The following GRID1 variants were observed in gnomAD, a reference collection of about 807,000 sequenced individuals.
GRID1 encodes the protein glutamate ionotropic receptor delta type subunit 1.
A neutral mutation model predicts 98.0 loss-of-function variants in GRID1; 28 were observed. That is an observed-to-expected ratio of 0.29 (90% CI 0.21 to 0.39). The LOEUF is 0.39. GRID1 is among the 10% of genes least tolerant of loss of function. The pLI is 1.00. For missense variants in GRID1, 1,111 were observed against 1,340.5 expected (o/e 0.83, Z 2.67); for synonymous variants, 553 against 538.5 (o/e 1.03, Z -0.37).
At chr10:85,730,711 T>C (rs1001050129) in intron 8 of GRID1, among the ~76,000 whole-genome samples, 3 of 152,180 alleles carry the variant, frequency 2.0e-5, no homozygotes, top group African/African-American at 7.2e-5. Context: ...GTGATTCTAA[T>C]GCACAGCCAG....
At chr10:86,171,584 T>A (rs1317125049) in intron 3 of GRID1, among the ~76,000 whole-genome samples, 1 of 152,196 alleles carries the variant, frequency 6.6e-6, no homozygotes, top group Non-Finnish European at 1.5e-5. Flanking sequence ...GAGGAGGTTC[T>A]GCAGAGGCAG....
intron 2 of GRID1, among the ~76,000 whole-genome samples, chr10:86,336,001 T>A (rs879696703): frequency 7.4e-4 from 112 of 152,198 alleles, no homozygotes; most frequent in Non-Finnish European, 1.3e-3. Context: ...CCATGGGGCC[T>A]AACCAGCCAG....
rs73338601 is a variant in GRID1 at position 85,857,327 on chromosome 10, G to A, written c.952-1137C>T. Reference sequence around the variant, plus strand: ...GTGTGAAGAACGACACTACAGCATTGGGGCCCAACCCATGTGTGGGGTCCA... The same window carrying A: ...GTGTGAAGAACGACACTACAGCATTAGGGCCCAACCCATGTGTGGGGTCCA... On this transcript the variant is annotated intron_variant, in intron 6 of 15. Coordinates refer to ENST00000327946, the MANE Select transcript of GRID1 (RefSeq NM_017551.3). Among the ~76,000 whole-genome samples the A allele has an allele frequency of 5.4e-3, 827 of 152,280 alleles. 6 individuals are homozygous for A. The highest frequency in any genetic ancestry group is 0.019 in the African/African-American group (780 of 41,550).
At chr10:86,004,439 T>G (rs1842835371) in intron 4 of GRID1, among the ~76,000 whole-genome samples, 1 of 152,138 alleles carries the variant, frequency 6.6e-6, no homozygotes, top group African/African-American at 2.4e-5. Flanking sequence ...GTGAGATGGA[T>G]GGTTTTGGGA....
chr10:85,783,161 T>A (rs996576351), intron 8 of GRID1, among the ~76,000 whole-genome samples: 2 of 152,158 alleles, frequency 1.3e-5, no homozygotes, highest in Non-Finnish European at 2.9e-5. Flanking sequence ...GGCATTGTAA[T>A]TAGAAAAGAC....
At chr10:86,106,099 G>A (rs1844381908) in intron 4 of GRID1, among the ~76,000 whole-genome samples, 1 of 152,192 alleles carries the variant, frequency 6.6e-6, no homozygotes, top group Non-Finnish European at 1.5e-5. Context: ...AGCTCCCCAA[G>A]TGTCTGTCCT....
intron 8 of GRID1, among the ~76,000 whole-genome samples, chr10:85,845,838 CAT>C (rs1468215307): frequency 6.6e-6 from 1 of 152,072 alleles, no homozygotes; most frequent in East Asian, 1.9e-4. Flanking sequence ...ATCTTACTAA[CAT>C]AATGTTGAGC....
At chr10:86,279,820 G>A (rs1465321556) in intron 2 of GRID1, among the ~76,000 whole-genome samples, 1 of 152,180 alleles carries the variant, frequency 6.6e-6, no homozygotes, top group Non-Finnish European at 1.5e-5. Context: ...CTTCACAGGT[G>A]ACATTATCAT....
intron 8 of GRID1, among the ~76,000 whole-genome samples, chr10:85,809,297 T>C (rs1277413741): frequency 6.6e-6 from 1 of 152,124 alleles, no homozygotes; most frequent in Non-Finnish European, 1.5e-5. Flanking sequence ...GAAGAGAAAG[T>C]ATCACAACTT....
intron 12 of GRID1, among the ~76,000 whole-genome samples, chr10:85,712,799 A>G (rs955559250): frequency 5.3e-5 from 8 of 151,878 alleles, no homozygotes; most frequent in African/African-American, 1.7e-4. Flanking sequence ...TGTGGAAATT[A>G]AACACATCCC....
chr10:85,775,042 C>G (rs1325852939), intron 8 of GRID1, among the ~76,000 whole-genome samples: 4 of 152,056 alleles, frequency 2.6e-5, no homozygotes, highest in African/African-American at 9.7e-5. Context: ...TTTATTGAGG[C>G]ACTATTCACA....
intron 8 of GRID1, among the ~76,000 whole-genome samples, chr10:85,825,819 T>A (rs1053308123): frequency 6.6e-6 from 1 of 151,952 alleles, no homozygotes; most frequent in East Asian, 1.9e-4. Context: ...ATGTGTGTAA[T>A]GCACAGAATA....
chr10:85,971,468 T>C (rs796424585), intron 4 of GRID1, among the ~76,000 whole-genome samples: 2 of 151,484 alleles, frequency 1.3e-5, no homozygotes, highest in African/African-American at 4.9e-5. Flanking sequence ...TTTTTAGTTT[T>C]AAAAATTATC....
intron 4 of GRID1, among the ~76,000 whole-genome samples, chr10:86,007,937 A>T (rs1842883013): frequency 6.6e-6 from 1 of 152,022 alleles, no homozygotes; most frequent in African/African-American, 2.4e-5. Context: ...GCCAAGATCA[A>T]CTCAAAAGAC....
chr10:86,078,818 C>T (rs1233815305), intron 4 of GRID1, among the ~76,000 whole-genome samples: 1 of 152,198 alleles, frequency 6.6e-6, no homozygotes, highest in Non-Finnish European at 1.5e-5. Context: ...ATCCCTGGGA[C>T]TGTGTTTGCC....
intron 8 of GRID1, among the ~76,000 whole-genome samples, chr10:85,826,289 C>G (rs1211267935): frequency 6.6e-6 from 1 of 152,286 alleles, no homozygotes; most frequent in East Asian, 1.9e-4. Context: ...GAGCCGAGAT[C>G]GCGCCACTGC....
intron 5 of GRID1, among the ~76,000 whole-genome samples, chr10:85,894,736 G>A (rs1357633384): frequency 1.3e-5 from 2 of 151,886 alleles, no homozygotes; most frequent in African/African-American, 2.4e-5. Context: ...GGCCGGGTGC[G>A]GTAGCTCAAG....
intron 4 of GRID1, among the ~76,000 whole-genome samples, chr10:86,136,400 G>A (rs11816291): frequency 0.17 from 26,075 of 152,184 alleles, 2,558 homozygotes; most frequent in Middle Eastern, 0.28. Flanking sequence ...CCCCACTCCA[G>A]CAAGTGCAGT....
chr10:86,173,070 A>G (rs549641078), intron 3 of GRID1, among the ~76,000 whole-genome samples: 40 of 152,292 alleles, frequency 2.6e-4, no homozygotes, highest in Admixed American at 2.5e-3. Context: ...CAGACAGAAT[A>G]TCTGTCACCC....
Sources: allele counts gnomAD v4.1 joint callset (sites outside exome capture counted in the v4.1 genomes callset), GRCh38; gene constraint gnomAD v4.1.1; transcripts MANE v1.5; gene names NCBI Gene and HGNC (gene_info 2026-07-23, HGNC 2026-07-21).